SEC24B: variants seen among roughly 807,000 people sequenced by gnomAD.
SEC24B encodes the protein protein transport protein Sec24B.
A neutral mutation model predicts 142.8 loss-of-function variants in SEC24B; 45 were observed. The observed-to-expected ratio is 0.32, with a 90% CI of 0.25 to 0.40. The LOEUF is 0.40. SEC24B is among the 10% of genes least tolerant of loss of function. The pLI is 1.00. For missense variants in SEC24B, 1,409 were observed against 1,526.8 expected, an observed-to-expected ratio of 0.92 and a Z score of 1.29; for synonymous variants, 574 against 568.2, an observed-to-expected ratio of 1.01 and a Z score of -0.15.
chr4:109,478,235 G>A (rs1330552607), intron 3 of SEC24B, among the ~76,000 whole-genome samples: 2 of 151,370 alleles, frequency 1.3e-5, no homozygotes, highest in African/African-American at 4.9e-5. Flanking sequence ...GCAGTGAGCT[G>A]AGATCATGCC....
chr4:109,497,295 A>G (rs1314557977), intron 6 of SEC24B, among the ~76,000 whole-genome samples: 3 of 152,232 alleles, frequency 2.0e-5, no homozygotes, highest in African/African-American at 7.2e-5. Context: ...TTGGGAGGTT[A>G]TTTTAGAAAA....
In SEC24B at chr4:109,533,616, A is replaced by G. The variant is rs1375439144; in HGVS notation, c.3519A>G (p.Lys1173=). The change falls in exon 22 of 24, where the codon AAA becomes AAG. Residue 1173 remains lysine, a synonymous_variant. Coordinates refer to ENST00000265175, the MANE Select transcript of SEC24B (RefSeq NM_006323.5). Reference sequence around the variant, plus strand: ...AGGTTTTTTACATTTGGGTTGGGAAAGGCTGTGACAATAACTTCATAGAGG... The same window carrying G: ...AGGTTTTTTACATTTGGGTTGGGAAGGGCTGTGACAATAACTTCATAGAGG... ...CGSVFYIWVG[K]GCDNNFIEDV... 4 of 1,610,894 alleles carry G rather than the reference A, an allele frequency of 2.5e-6. No individual in the cohort carries two copies. The African/African-American group carries it at 5.3e-5, about 22-fold the overall frequency.
intron 3 of SEC24B, among the ~76,000 whole-genome samples, chr4:109,474,789 T>G (rs564458078): frequency 6.6e-6 from 1 of 152,342 alleles, no homozygotes; most frequent in East Asian, 1.9e-4. Flanking sequence ...TTATAAATAA[T>G]ATTTTGTAAA....
chr4:109,531,953 A>G lies in SEC24B; in HGVS notation c.3390+431A>G, dbSNP rs147739939. Among the ~76,000 whole-genome samples the G allele has an allele frequency of 8.7e-3, 1,319 of 152,176 alleles. 23 individuals are homozygous for G. Among genetic ancestry groups the G allele is most frequent in the African/African-American group, 0.03 (1,259 of 41,496 alleles). ...CGGCTCACTGCAGCTTCTGCCTCCC[A>G]GGTTCAAGCAATTCTGCTTCAGCCA... On this transcript the variant is annotated intron_variant, in intron 20 of 23. Transcript: ENST00000265175.
At position 109,463,545 on chromosome 4, in the gene SEC24B, C is replaced by G. The variant is rs1268860532; in HGVS notation, c.778C>G (p.Leu260Val). ...GCAAAGTCTTTCAGGATACAGTACT[C>G]TAACGTGGTCATCTCCAGGCCTTCC... ...QQQSLSGYST[L>V]TWSSPGLPST... Residue 260 changes from leucine (L) to valine (V), a missense_variant, in exon 2 of 24, where the codon CTA becomes GTA. Leu to Val is a conservative substitution (Grantham distance 32, BLOSUM62 1). Transcript: ENST00000265175. The G allele has an allele frequency of 3.1e-6, 5 of 1,614,062 alleles. No homozygotes were observed. The highest frequency in any genetic ancestry group is 4.2e-6 in the Non-Finnish European group (5 of 1,180,052).
chr4:109,522,553 T>A (rs1314900806), intron 14 of SEC24B, among the ~76,000 whole-genome samples: 1 of 152,254 alleles, frequency 6.6e-6, no homozygotes, highest in Non-Finnish European at 1.5e-5. Flanking sequence ...TCTTTTCTAT[T>A]ACGTAAGTGG....
chr4:109,497,368 A>G (rs1036234538), intron 6 of SEC24B, among the ~76,000 whole-genome samples: 4 of 152,260 alleles, frequency 2.6e-5, no homozygotes, highest in African/African-American at 7.2e-5. Context: ...AAAAAATACA[A>G]CATCATTTTA....
chr4:109,539,371 G>A (rs1725943679), intron 23 of SEC24B, among the ~76,000 whole-genome samples, 190 bp from the exon 24 acceptor site: 1 of 151,828 alleles, frequency 6.6e-6, no homozygotes, highest in South Asian at 2.1e-4. Flanking sequence ...GCCTCTTAAA[G>A]TGCTGAGATT....
At chr4:109,489,392 GA>G (rs1187977165) in intron 4 of SEC24B, among the ~76,000 whole-genome samples, 2 of 151,560 alleles carry the variant, frequency 1.3e-5, no homozygotes, top group Non-Finnish European at 2.9e-5. Flanking sequence ...TTTTATTAAG[GA>G]AAAATATGCA....
Position 109,524,866 on chromosome 4 carries a change from T to C in SEC24B, c.2557T>C (p.Leu853=). ...AACTGATTTTTATAAGAAACTTGCA[T>C]TAGATTGCTCGGGACAGCAAACTGC... The part of the protein sequence containing the change: ...PATDFYKKLA[L]DCSGQQTAVD... The change falls in exon 15 of 24, where the codon TTA becomes CTA. Residue 853 remains leucine (L), a synonymous_variant. Transcript: ENST00000265175. The C allele has an allele frequency of 6.2e-7, 1 of 1,612,672 alleles. No homozygotes were observed. Among genetic ancestry groups the C allele is most frequent in the East Asian group, 2.2e-5 (1 of 44,786 alleles).
chr4:109,483,376 G>A (rs1283823091), intron 4 of SEC24B, among the ~76,000 whole-genome samples: 4 of 152,004 alleles, frequency 2.6e-5, no homozygotes, highest in African/African-American at 9.7e-5. Context: ...ACAGTGCCCG[G>A]CCTTGTGCAA....
chr4:109,518,531 C>T (rs896005636), intron 11 of SEC24B, among the ~76,000 whole-genome samples: 1 of 152,176 alleles, frequency 6.6e-6, no homozygotes, highest in African/African-American at 2.4e-5. Context: ...AATGCTACTT[C>T]TAGTCACCAT....
chr4:109,453,871 G>A (rs1054424876), intron 1 of SEC24B, among the ~76,000 whole-genome samples: 3 of 152,026 alleles, frequency 2.0e-5, no homozygotes, highest in East Asian at 1.9e-4. Context: ...CTGACTTCCC[G>A]CAACAGACGG....
intron 1 of SEC24B, among the ~76,000 whole-genome samples, chr4:109,453,011 G>C (rs1730269472): frequency 6.6e-6 from 1 of 152,204 alleles, no homozygotes; most frequent in Non-Finnish European, 1.5e-5. Context: ...ACAAAAGAGA[G>C]AAATTTTAAA....
At chr4:109,484,493 A>C (rs1734142099) in intron 4 of SEC24B, among the ~76,000 whole-genome samples, 1 of 152,136 alleles carries the variant, frequency 6.6e-6, no homozygotes, top group Non-Finnish European at 1.5e-5. Context: ...ATTTGTGAGG[A>C]GTTTCTTTGA....
intron 1 of SEC24B, among the ~76,000 whole-genome samples, chr4:109,435,179 A>G (rs137974032): frequency 3.0e-4 from 45 of 152,340 alleles, no homozygotes; most frequent in African/African-American, 1.0e-3. Flanking sequence ...CATGAAGTGT[A>G]TCGTTTGTCC....
chr4:109,473,722 A>G (rs1414828882), intron 3 of SEC24B, among the ~76,000 whole-genome samples: 1 of 152,220 alleles, frequency 6.6e-6, no homozygotes, highest in Non-Finnish European at 1.5e-5. Flanking sequence ...AGTAAGTAAA[A>G]GGTAATAAAA....
chr4:109,450,834 A>G (rs1021861329), intron 1 of SEC24B: 10 of 146,520 alleles, frequency 6.8e-5, no homozygotes, highest in Admixed American at 4.2e-4. Flanking sequence ...TTGTAGTCCC[A>G]CTACTGATTA....
intron 4 of SEC24B, among the ~76,000 whole-genome samples, chr4:109,485,750 T>G (rs994548735): frequency 1.3e-5 from 2 of 152,172 alleles, no homozygotes; most frequent in African/African-American, 2.4e-5. Context: ...TGGCTGAAAT[T>G]GGTGTGGGAA....
Sources: allele counts gnomAD v4.1 joint callset (sites outside exome capture counted in the v4.1 genomes callset), GRCh38; gene constraint gnomAD v4.1.1; transcripts MANE v1.5; gene names NCBI Gene and HGNC (gene_info 2026-07-23, HGNC 2026-07-21).